Variants in ADORA2A observed in about 807,000 individuals in gnomAD.
ADORA2A encodes adenosine receptor A2a.
A neutral mutation model predicts 18.4 loss-of-function variants in ADORA2A; 11 were observed. The ratio of observed to expected loss-of-function variants is 0.60; its 90% CI spans 0.38 to 0.99. The LOEUF (loss-of-function observed/expected upper bound fraction) is 0.99. ADORA2A is among the 50% of genes least tolerant of loss of function. The pLI, the probability that ADORA2A is intolerant of heterozygous loss-of-function variation, is 0.01. For missense variants in ADORA2A, 449 were observed against 556.1 expected (o/e 0.81, Z 1.94); for synonymous variants, 218 against 237.3 (o/e 0.92, Z 0.75).
Position 24,441,593 on chromosome 22 carries a change from A to T in ADORA2A, c.*104A>T. 8.2e-7 allele frequency: 1 copy of T among 1,223,984 alleles called. No homozygotes were observed. The highest frequency in any genetic ancestry group is 1.1e-6 in the Non-Finnish European group (1 of 931,990). 75.8% of individuals were successfully genotyped at this position (1,223,984 alleles called of 1,614,324 possible). A position where few individuals can be genotyped will look rare whatever the true frequency, so the allele number is the denominator to read the frequency against. On this transcript the variant is annotated 3_prime_UTR_variant, in exon 3 of 3. Coordinates refer to ENST00000337539, the MANE Select transcript of ADORA2A (RefSeq NM_000675.6). Reference sequence around the variant, plus strand: ...AGAGAGAGAGTGCCAGGAGACCCTGAGGGCAGCCGGTTCCTACTTTGGACT... The same window carrying T: ...AGAGAGAGAGTGCCAGGAGACCCTGTGGGCAGCCGGTTCCTACTTTGGACT...
chr22:24,439,882 C>T (rs2043290532), intron 2 of ADORA2A, among the ~76,000 whole-genome samples: 1 of 152,198 alleles, frequency 6.6e-6, no homozygotes, highest in Admixed American at 6.5e-5. Flanking sequence ...TCTCATTTCT[C>T]TCCAGAGGGC....
At chr22:24,435,255 T>C (rs540334149) in intron 2 of ADORA2A, among the ~76,000 whole-genome samples, 9 of 152,056 alleles carry the variant, frequency 5.9e-5, no homozygotes, top group African/African-American at 2.2e-4. Context: ...CAGAGCAGAG[T>C]TTAGGTTCGT....
intron 1 of ADORA2A, chr22:24,432,084 C>G (rs2043051867): frequency 3.2e-5 from 5 of 154,524 alleles, no homozygotes; most frequent in Admixed American, 3.2e-4. Context: ...GTTAGTCATT[C>G]CTGGTGTCAG....
At chr22:24,440,307 C>T (rs1163888733) in intron 2 of ADORA2A, among the ~76,000 whole-genome samples, 2 of 152,266 alleles carry the variant, frequency 1.3e-5, no homozygotes, top group Non-Finnish European at 2.9e-5. Context: ...CCCAGGACTA[C>T]TCCGAAAACT....
chr22:24,440,863 C>T lies in ADORA2A; in HGVS notation c.613C>T (p.Arg205Ter), dbSNP rs1424402107. The T allele has an allele frequency of 3.7e-6, 6 of 1,614,030 alleles. No individual in the cohort carries two copies. Among genetic ancestry groups the T allele is most frequent in the African/African-American group, 1.3e-5 (1 of 74,902 alleles). ...GVYLRIFLAARRQLKQMESQP... is the reference protein window; with the variant it reads ...GVYLRIFLAA ...CTATTTGCGGATCTTCCTGGCGGCG[C>T]GACGACAGCTGAAGCAGATGGAGAG... Residue 205 changes from arginine to a stop codon, truncating the protein, a stop_gained, in exon 3 of 3, where the codon CGA (arginine) becomes TGA (stop). Transcript: ENST00000337539. LOFTEE classifies it high-confidence loss of function.
chr22:24,430,993 C>T (rs2043018156), intron 1 of ADORA2A: 1 of 384,608 alleles, frequency 2.6e-6, no homozygotes, highest in African/African-American at 2.1e-5. Context: ...GCACCAGCTC[C>T]ACTTGTACCT....
upstream of ADORA2A, among the ~76,000 whole-genome samples, chr22:24,427,344 C>T (rs2042929232): frequency 6.6e-6 from 1 of 152,180 alleles, no homozygotes; most frequent in Non-Finnish European, 1.5e-5. Flanking sequence ...TCACCCCTCC[C>T]ATCCTCATTG....
At chr22:24,429,531 C>T (rs1360373930) in intron 1 of ADORA2A, 2 of 152,246 alleles carry the variant, frequency 1.3e-5, no homozygotes, top group African/African-American at 2.4e-5. Flanking sequence ...GATCCTGGCC[C>T]CGCCCCCTCC....
intron 2 of ADORA2A, among the ~76,000 whole-genome samples, chr22:24,437,836 C>T (rs1289110558): frequency 6.6e-6 from 1 of 152,266 alleles, no homozygotes; most frequent in Non-Finnish European, 1.5e-5. Context: ...GATTTCCATA[C>T]TGTGTTCCCA....
intron 1 of ADORA2A, among the ~76,000 whole-genome samples, chr22:24,428,142 G>A (rs975268700): frequency 7.2e-5 from 11 of 152,192 alleles, no homozygotes; most frequent in Non-Finnish European, 8.8e-5. Context: ...AGGCACCTGC[G>A]CTGATGAGTT....
Position 24,441,137 on chromosome 22 carries a change from G to T in ADORA2A, c.887G>T (p.Arg296Leu), listed in dbSNP as rs199792438. 1.2e-6 allele frequency: 2 copies of T among 1,614,014 alleles called. No homozygotes were observed. The highest frequency in any genetic ancestry group is 1.7e-6 in the Non-Finnish European group (2 of 1,180,052). The change falls in exon 3 of 3, where the codon CGC becomes CTC. Residue 296 changes from arginine to leucine, a missense_variant. Arg to Leu is a moderately radical substitution (Grantham distance 102). Transcript: ENST00000337539. ...FIYAYRIREF[R>L]QTFRKIIRSH... Reference sequence around the variant, plus strand: ...TACGCCTACCGTATCCGCGAGTTCCGCCAGACCTTCCGCAAGATCATTCGC... The same window carrying T: ...TACGCCTACCGTATCCGCGAGTTCCTCCAGACCTTCCGCAAGATCATTCGC...
At position 24,433,724 on chromosome 22, in the gene ADORA2A, G is replaced by A. The variant is rs202185195; in HGVS notation, c.320G>A (p.Arg107His). The A allele has an allele frequency of 3.1e-6, 5 of 1,606,136 alleles. No individual in the cohort carries two copies. The highest frequency in any genetic ancestry group is 4.2e-6 in the Non-Finnish European group (5 of 1,179,740). The change falls in exon 2 of 3, where the codon CGC becomes CAC. Residue 107 changes from arginine to histidine, a missense_variant. Transcript: ENST00000337539. ...GCCATTGACCGCTACATTGCCATCC[G>A]CATCCCGCTCCGGTGAGCAGGGCCG... Reference protein sequence around the residue: ...AIAIDRYIAIRIPLRYNGLVT... With the variant: ...AIAIDRYIAIHIPLRYNGLVT...
intron 1 of ADORA2A, among the ~76,000 whole-genome samples, chr22:24,428,570 C>T (rs184164630): frequency 6.6e-6 from 1 of 152,356 alleles, no homozygotes; most frequent in African/African-American, 2.4e-5. Context: ...CCTTTCTTTG[C>T]CTCTTTGGAG....
rs1447180165 is a variant in ADORA2A at position 24,433,363 on chromosome 22, C to G, written c.-42C>G. On this transcript the variant is annotated 5_prime_UTR_variant, in exon 2 of 3. Coordinates refer to ENST00000337539, the MANE Select transcript of ADORA2A (RefSeq NM_000675.6). ...GCTGCAGCAATGGACCGTGAGCTGG[C>G]CCAGCCCGCGTCCGTGCTGAGCCTG... 2 of 1,544,376 alleles carry G rather than the reference C, an allele frequency of 1.3e-6. No individual in the cohort carries two copies. The highest frequency in any genetic ancestry group is 1.8e-6 in the Non-Finnish European group (2 of 1,141,870).
upstream of ADORA2A, among the ~76,000 whole-genome samples, chr22:24,425,304 G>A (rs972055906): frequency 1.3e-5 from 2 of 151,826 alleles, no homozygotes; most frequent in African/African-American, 2.4e-5. Context: ...GAGGCCTTGG[G>A]TGGGGCTGGG....
intron 1 of ADORA2A, chr22:24,431,060 G>A (rs1209397772): frequency 9.0e-6 from 4 of 446,072 alleles, no homozygotes; most frequent in East Asian, 7.0e-5. Flanking sequence ...CTCAGGGAGA[G>A]AGGCCAAGAG....
At chr22:24,435,073 G>T (rs551515096) in intron 2 of ADORA2A, among the ~76,000 whole-genome samples, 1 of 152,328 alleles carries the variant, frequency 6.6e-6, no homozygotes, top group Admixed American at 6.5e-5. Context: ...CCAGGGAAGG[G>T]GAGGAATCTG....
intron 2 of ADORA2A, 71 bp downstream of exon 2, chr22:24,433,807 G>A (rs1342010841): frequency 1.0e-5 from 15 of 1,491,318 alleles, no homozygotes; most frequent in Admixed American, 3.8e-5. Context: ...CCCGGAGCCA[G>A]GGTGAGCCTG....
rs956982062 is a variant in ADORA2A at position 24,441,195 on chromosome 22, G to A, written c.945G>A (p.Lys315=). The A allele has an allele frequency of 6.2e-7, 1 of 1,614,122 alleles. No homozygotes were observed. The highest frequency in any genetic ancestry group is 1.3e-5 in the African/African-American group (1 of 75,056). ...SHVLRQQEPF[K]AAGTSARVLA... ...TCCTGAGGCAGCAAGAACCTTTCAAGGCAGCTGGCACCAGTGCCCGGGTCT... is the reference window on the plus strand; with the variant it reads ...TCCTGAGGCAGCAAGAACCTTTCAAAGCAGCTGGCACCAGTGCCCGGGTCT... Residue 315 remains lysine, a synonymous_variant, in exon 3 of 3, where the codon AAG becomes AAA. Transcript: ENST00000337539.
Sources: allele counts gnomAD v4.1 joint callset (sites outside exome capture counted in the v4.1 genomes callset), GRCh38; gene constraint gnomAD v4.1.1; transcripts MANE v1.5; gene names NCBI Gene and HGNC (gene_info 2026-07-23, HGNC 2026-07-21).